H3-3A: variants seen among roughly 807,000 people sequenced by gnomAD.
The protein encoded by H3-3A is H3.3 histone A, also known as histone H3.3.
For synonymous variants in H3-3A, 49 were observed against 61.4 expected (o/e 0.80, Z 0.95); for missense variants, 7 against 184.0 (o/e 0.04, Z 5.57).
Position 226,064,490 on chromosome 1 carries a change from A to C in H3-3A, c.128+11A>C, listed in dbSNP as rs1389321715. On this transcript the variant is annotated intron_variant, in intron 2 of 3. Coordinates refer to ENST00000366815, the MANE Select transcript of H3-3A (RefSeq NM_002107.7). ...ACCTCATCGTTACAGGTATTAAAAA[A>C]CAGGAAAAAAATGGGACAAAGTCTC... 17 of 1,607,864 alleles carry C rather than the reference A, an allele frequency of 1.1e-5. No homozygotes were observed. Among genetic ancestry groups the C allele is most frequent in the East Asian group, 2.2e-5 (1 of 44,846 alleles).
intron 3 of H3-3A, among the ~76,000 whole-genome samples, chr1:226,069,118 C>T (rs1359672320): frequency 1.3e-5 from 2 of 150,754 alleles, no homozygotes; most frequent in Admixed American, 6.6e-5. Context: ...GCAATCTCGG[C>T]TTACTGCAGC....
At chr1:226,065,587 G>T in intron 2 of H3-3A, 69 bp from the exon 3 acceptor site, 1 of 1,162,926 alleles carries the variant, frequency 8.6e-7, no homozygotes, top group Non-Finnish European at 1.2e-6. Flanking sequence ...GCATTTCTTT[G>T]AAGCTGCCCA....
rs904139262 is a variant in H3-3A at position 226,071,933 on chromosome 1, A to T, written c.*454A>T. The T allele has an allele frequency of 9.1e-6, 2 of 219,236 alleles. No homozygotes were observed. Among genetic ancestry groups the T allele is most frequent in the African/African-American group, 4.5e-5 (2 of 44,354 alleles). The allele number at this position is 219,236 out of a possible 1,614,324, so 13.6% of individuals were successfully genotyped here. On this transcript the variant is annotated 3_prime_UTR_variant, in exon 4 of 4. Transcript: ENST00000366815. ...TAACTGAGTTGTCCTACATGCAAGTACATGTTTTTAATGTTGTCTGTCTTC... is the reference window on the plus strand; with the variant it reads ...TAACTGAGTTGTCCTACATGCAAGTTCATGTTTTTAATGTTGTCTGTCTTC...
intron 3 of H3-3A, among the ~76,000 whole-genome samples, chr1:226,067,715 C>T (rs1657974091): frequency 6.7e-6 from 1 of 148,642 alleles, no homozygotes; most frequent in African/African-American, 2.5e-5. Context: ...GCACTCCAGC[C>T]TGGGCAACAA....
intron 3 of H3-3A, chr1:226,066,757 G>A (rs1049418170): frequency 6.6e-5 from 10 of 152,610 alleles, no homozygotes; most frequent in African/African-American, 1.9e-4. Context: ...TGGGGGTGGG[G>A]AGGGGGCATC....
At chr1:226,068,098 T>TC (rs1424885801) in intron 3 of H3-3A, among the ~76,000 whole-genome samples, 2 of 152,264 alleles carry the variant, frequency 1.3e-5, no homozygotes, top group Admixed American at 6.5e-5. Context: ...TTCTTTTTTT[T>TC]CTTTGCCATT....
At chr1:226,063,809 C>G (rs1321870912) in intron 1 of H3-3A, among the ~76,000 whole-genome samples, 1 of 150,888 alleles carries the variant, frequency 6.6e-6, no homozygotes, top group Non-Finnish European at 1.5e-5. Context: ...CTTGTTTTTT[C>G]GAGACGCCTT....
intron 2 of H3-3A, among the ~76,000 whole-genome samples, chr1:226,064,842 T>C (rs1657870703): frequency 6.6e-6 from 1 of 152,194 alleles, no homozygotes; most frequent in Admixed American, 6.5e-5. Flanking sequence ...TTTCCTAGTT[T>C]TTGGCAAAAT....
At chr1:226,066,335 T>C (rs1533114) in intron 3 of H3-3A, 152,111 of 154,638 alleles carry the variant, frequency 0.98, 74,857 homozygotes, top group Non-Finnish European at 1. Flanking sequence ...TTGGCAAGAT[T>C]GGGGGAACGG....
At chr1:226,064,078 TGCCG>T in intron 1 of H3-3A, 1 of 285,864 alleles carries the variant, frequency 3.5e-6, no homozygotes, top group Non-Finnish European at 6.8e-6. Context: ...ATTTTTGTTT[TGCCG>T]TTTGTCGCTC....
chr1:226,066,832 TTATG>T (rs1407041935), intron 3 of H3-3A: 1 of 152,278 alleles, frequency 6.6e-6, no homozygotes, highest in Non-Finnish European at 1.5e-5. Flanking sequence ...GGCTTTTGCT[TTATG>T]TATGAGAAAG....
At chr1:226,061,991 T>C (rs937010303), upstream of H3-3A, 14 of 152,204 alleles carry the variant, frequency 9.2e-5, no homozygotes, top group East Asian at 1.4e-3. Flanking sequence ...TCAAGTTGTC[T>C]ACGGCGGACT....
At chr1:226,063,569 C>G (rs550750534) in intron 1 of H3-3A, among the ~76,000 whole-genome samples, 23 of 152,260 alleles carry the variant, frequency 1.5e-4, no homozygotes, top group African/African-American at 5.5e-4. Flanking sequence ...TTGGTTCCTG[C>G]TCGAGGCGCT....
chr1:226,063,680 T>C (rs1017138867), intron 1 of H3-3A, among the ~76,000 whole-genome samples: 4 of 152,026 alleles, frequency 2.6e-5, no homozygotes, highest in African/African-American at 7.2e-5. Flanking sequence ...TCGGCGGATG[T>C]CGTGCGTTAA....
At chr1:226,068,415 G>A (rs1657994016) in intron 3 of H3-3A, among the ~76,000 whole-genome samples, 1 of 152,200 alleles carries the variant, frequency 6.6e-6, no homozygotes, top group Non-Finnish European at 1.5e-5. Context: ...TGCTTGCATA[G>A]TAGCTTGTAC....
chr1:226,066,973 T>C (rs1346749194), intron 3 of H3-3A: 1 of 152,238 alleles, frequency 6.6e-6, no homozygotes, highest in Non-Finnish European at 1.5e-5. Context: ...TTGCTGAAAT[T>C]TCAACTACTA....
At chr1:226,064,040 A>G (rs1657838318) in intron 1 of H3-3A, 3 of 209,498 alleles carry the variant, frequency 1.4e-5, no homozygotes, top group South Asian at 1.4e-4. Flanking sequence ...CTTTAATTAA[A>G]TAAATTGGAT....
chr1:226,068,530 C>T (rs1178470377), intron 3 of H3-3A, among the ~76,000 whole-genome samples: 2 of 152,152 alleles, frequency 1.3e-5, no homozygotes, highest in African/African-American at 4.8e-5. Flanking sequence ...GCGTTGTGAG[C>T]CCCTAAGGAG....
At chr1:226,063,980 T>A (rs1471001925) in intron 1 of H3-3A, 1 of 160,846 alleles carries the variant, frequency 6.2e-6, no homozygotes, top group Non-Finnish European at 1.4e-5. Context: ...GTGCCTTTTT[T>A]CTTTTGACTT....
Sources: gnomAD v4.1 joint callset for allele counts (sites outside exome capture counted in the v4.1 genomes callset) on GRCh38, gnomAD v4.1.1 for gene constraint, MANE v1.5 for transcripts, NCBI Gene and HGNC (gene_info 2026-07-23, HGNC 2026-07-21) for gene names.